BCL2: variants seen among roughly 807,000 people sequenced by gnomAD.
BCL2 encodes the protein BCL2 apoptosis regulator, also known as apoptosis regulator Bcl-2.
BCL2 carries 1 observed loss-of-function variant against 14.2 expected under a neutral mutation model. The observed-to-expected ratio is 0.07, with a 90% CI of 0.02 to 0.33. The LOEUF (loss-of-function observed/expected upper bound fraction) is 0.33, where lower values mean the gene tolerates loss of function less well. Ranked by LOEUF, BCL2 falls within the 10% of genes least tolerant of loss-of-function variation. BCL2 has a pLI of 0.99. For synonymous variants in BCL2, 151 were observed against 137.2 expected (o/e 1.10, Z -0.70); for missense variants, 247 against 305.9 (o/e 0.81, Z 1.44).
intron 2 of BCL2, among the ~76,000 whole-genome samples, chr18:63,250,178 A>G (rs985729385): frequency 6.6e-6 from 1 of 152,240 alleles, no homozygotes; most frequent in Non-Finnish European, 1.5e-5. Context: ...ATAGTAAACT[A>G]GGAACTGCAC....
intron 2 of BCL2, among the ~76,000 whole-genome samples, chr18:63,137,557 C>A (rs1450889283): frequency 6.6e-6 from 1 of 151,542 alleles, no homozygotes; most frequent in Non-Finnish European, 1.5e-5. Flanking sequence ...AAATTCAGTG[C>A]TTTTTTTTTC....
chr18:63,151,854 T>G (rs1914660490), intron 2 of BCL2, among the ~76,000 whole-genome samples: 1 of 152,202 alleles, frequency 6.6e-6, no homozygotes, highest in Admixed American at 6.5e-5. Flanking sequence ...ATATGAAGGT[T>G]TCCAGTGGTG....
At chr18:63,255,030 G>A (rs1301872976) in intron 2 of BCL2, among the ~76,000 whole-genome samples, 1 of 152,180 alleles carries the variant, frequency 6.6e-6, no homozygotes, top group Non-Finnish European at 1.5e-5. Flanking sequence ...GCATAGACCT[G>A]GCAAGTGTAC....
At chr18:63,220,676 G>C (rs1195781647) in intron 2 of BCL2, among the ~76,000 whole-genome samples, 2 of 152,172 alleles carry the variant, frequency 1.3e-5, no homozygotes, top group African/African-American at 4.8e-5. Flanking sequence ...AAGAGGATCA[G>C]ATGAATTCAT....
intron 2 of BCL2, among the ~76,000 whole-genome samples, chr18:63,304,353 C>T (rs1048661598): frequency 2.2e-4 from 33 of 152,032 alleles, no homozygotes; most frequent in African/African-American, 7.7e-4. Flanking sequence ...AGTAACATGC[C>T]CTTTACTACT....
At chr18:63,175,344 T>C (rs899637605) in intron 2 of BCL2, among the ~76,000 whole-genome samples, 1 of 152,240 alleles carries the variant, frequency 6.6e-6, no homozygotes, top group Non-Finnish European at 1.5e-5. Context: ...TATAGTCGAA[T>C]TAGCTAACCA....
chr18:63,269,952 A>C (rs1468067732), intron 2 of BCL2, among the ~76,000 whole-genome samples: 3 of 152,196 alleles, frequency 2.0e-5, no homozygotes, highest in Admixed American at 2.0e-4. Flanking sequence ...AAATGCACAA[A>C]CAGGTTTCCA....
rs184222852 is a variant in BCL2 at position 63,167,043 on chromosome 18, G to A, written c.586-38284C>T. ...TGTTGCAACATGAGAAGGTGCTGGA[G>A]TAGAGGGATGTGGGAAAGGTGATGG... On this transcript the variant is annotated intron_variant, in intron 2 of 2. Coordinates refer to ENST00000333681, the MANE Select transcript of BCL2 (RefSeq NM_000633.3). Among the ~76,000 whole-genome samples, 115 of 152,336 alleles carry A rather than the reference G, an allele frequency of 7.5e-4. 1 individual carries two copies. Among genetic ancestry groups the A allele is most frequent in the South Asian group, 2.7e-3 (13 of 4,830 alleles).
intron 2 of BCL2, among the ~76,000 whole-genome samples, chr18:63,142,332 T>C (rs1257967550): frequency 6.6e-6 from 1 of 152,222 alleles, no homozygotes. Context: ...GCACTTGCTT[T>C]TTGGGACTGG....
At chr18:63,204,746 C>A (rs1909787652) in intron 2 of BCL2, among the ~76,000 whole-genome samples, 1 of 152,048 alleles carries the variant, frequency 6.6e-6, no homozygotes, top group African/African-American at 2.4e-5. Flanking sequence ...TATTATACTA[C>A]CTAGGAAGAA....
Position 63,251,403 on chromosome 18 carries a change from G to A in BCL2, c.585+66679C>T, listed in dbSNP as rs917376107. 2.0e-5 allele frequency among the ~76,000 whole-genome samples: 3 copies of A among 152,052 alleles called. No individual in the cohort carries two copies. The East Asian group carries it at 5.8e-4, about 30-fold the overall frequency. On this transcript the variant is annotated intron_variant, in intron 2 of 2. Coordinates refer to ENST00000333681, the MANE Select transcript of BCL2 (RefSeq NM_000633.3). The stretch of plus-strand genomic sequence containing the variant: ...AAAAGAGTGACTACCCAGCACTTTG[G>A]GAGGCCGAGGCAGGCGGATCACCAG...
chr18:63,263,970 A>G (rs574108818), intron 2 of BCL2, among the ~76,000 whole-genome samples: 1 of 152,206 alleles, frequency 6.6e-6, no homozygotes, highest in African/African-American at 2.4e-5. Flanking sequence ...GGGTTTCACC[A>G]TGTTGGCCAG....
chr18:63,216,753 G>A (rs115817621), intron 2 of BCL2, among the ~76,000 whole-genome samples: 284 of 152,304 alleles, frequency 1.9e-3, no homozygotes, highest in African/African-American at 6.7e-3. Context: ...TGAAAGCACT[G>A]CCTCAAAGAA....
chr18:63,135,127 T>C (rs1914176423), intron 2 of BCL2, among the ~76,000 whole-genome samples: 1 of 152,224 alleles, frequency 6.6e-6, no homozygotes, highest in African/African-American at 2.4e-5. Context: ...ACAGTGTGTA[T>C]TCATAAGGAA....
intron 2 of BCL2, among the ~76,000 whole-genome samples, chr18:63,156,834 G>A (rs2144614360): frequency 1.3e-5 from 2 of 152,322 alleles, no homozygotes; most frequent in Middle Eastern, 6.8e-3. Context: ...TGGGCAGCCA[G>A]GGATCCAGGT....
Position 63,212,362 on chromosome 18 carries a change from A to T in BCL2, c.586-83603T>A, listed in dbSNP as rs999945938. On this transcript the variant is annotated intron_variant, in intron 2 of 2. Coordinates refer to ENST00000333681, the MANE Select transcript of BCL2 (RefSeq NM_000633.3). ...AACAAACAACAACAACAAAAAAAAC[A>T]CAAAAAAACTCCATTTAGTAGCTTT... 3.3e-5 allele frequency among the ~76,000 whole-genome samples: 5 copies of T among 151,364 alleles called. No homozygotes were observed. The Admixed American group carries it at 3.3e-4, about 10-fold the overall frequency.
At chr18:63,308,819 G>A (rs535038269) in intron 2 of BCL2, among the ~76,000 whole-genome samples, 1 of 152,128 alleles carries the variant, frequency 6.6e-6, no homozygotes, top group African/African-American at 2.4e-5. Flanking sequence ...TAGCTGCTTA[G>A]GATGAATTGC....
At chr18:63,280,955 C>T (rs539848480) in intron 2 of BCL2, among the ~76,000 whole-genome samples, 4 of 152,196 alleles carry the variant, frequency 2.6e-5, no homozygotes, top group South Asian at 2.1e-4. Flanking sequence ...AATAAATGAA[C>T]GGAGAAACAA....
At chr18:63,277,820 A>G (rs1044390185) in intron 2 of BCL2, among the ~76,000 whole-genome samples, 1 of 152,164 alleles carries the variant, frequency 6.6e-6, no homozygotes, top group Non-Finnish European at 1.5e-5. Context: ...GGAGGGGGAA[A>G]CACTTTTTAA....
Sources: allele counts gnomAD v4.1 joint callset (sites outside exome capture counted in the v4.1 genomes callset), GRCh38; gene constraint gnomAD v4.1.1; transcripts MANE v1.5; gene names NCBI Gene and HGNC (gene_info 2026-07-23, HGNC 2026-07-21).